DCLRE1C: variants seen among roughly 807,000 people sequenced by gnomAD.
The protein encoded by DCLRE1C is protein artemis.
In DCLRE1C, 47 loss-of-function variants were observed where a neutral mutation model predicts 61.4. The observed-to-expected ratio is 0.77, with a 90% CI of 0.61 to 0.98. The LOEUF is 0.98. DCLRE1C is among the 50% of genes least tolerant of loss of function. The pLI is 0.00. For missense variants in DCLRE1C, 858 were observed against 816.0 expected (o/e 1.05, Z -0.63); for synonymous variants, 337 against 287.6 (o/e 1.17, Z -1.74).
At chr10:14,942,463 C>CA (rs1278365392) in intron 3 of DCLRE1C, 2 of 152,232 alleles carry the variant, frequency 1.3e-5, no homozygotes, top group Non-Finnish European at 2.9e-5. Flanking sequence ...ATCCCCTTCT[C>CA]AATCAAAGGT....
In DCLRE1C at chr10:14,936,574, G is replaced by C. The variant is rs761366134; in HGVS notation, c.326C>G (p.Thr109Ser). 3.1e-6 allele frequency: 5 copies of C among 1,612,734 alleles called. No individual in the cohort carries two copies. The African/African-American group carries it at 4.0e-5, about 13-fold the overall frequency. Reference sequence around the variant, plus strand: ...CGGACAGTGACCAGCTGGTAAGAGAGTCACAACAATCTCTTCCTTCTAAAA... The same window carrying C: ...CGGACAGTGACCAGCTGGTAAGAGACTCACAACAATCTCTTCCTTCTAAAA... ...ASGEKEEIVVTLLPAGHCPGS... is the reference protein window; with the variant it reads ...ASGEKEEIVVSLLPAGHCPGS... Residue 109 changes from threonine to serine, a missense_variant, in exon 5 of 14, where the codon ACT becomes AGT. Physicochemically the swap from Thr to Ser is moderately conservative, Grantham distance 58 (BLOSUM62 1). Coordinates refer to ENST00000378278, the MANE Select transcript of DCLRE1C (RefSeq NM_001033855.3).
chr10:14,952,662 G>A (rs1192900649), intron 1 of DCLRE1C, among the ~76,000 whole-genome samples: 3 of 152,032 alleles, frequency 2.0e-5, no homozygotes, highest in African/African-American at 4.8e-5. Context: ...CAGAGAGCAT[G>A]TGCCACACTG....
In DCLRE1C at chr10:14,909,007, T is replaced by A; in HGVS notation, c.1480A>T (p.Lys494Ter). The A allele has an allele frequency of 6.2e-7, 1 of 1,614,080 alleles. No homozygotes were observed. Among genetic ancestry groups the A allele is most frequent in the Non-Finnish European group, 8.5e-7 (1 of 1,179,976 alleles). ...GDVPQWEVFF[K>*]RNDEITDESL... Reference sequence around the variant, plus strand: ...TCATCTGTGATTTCATCATTTCTTTTAAAGAATACTTCCCACTGGGGTACA... The same window carrying A: ...TCATCTGTGATTTCATCATTTCTTTAAAAGAATACTTCCCACTGGGGTACA... The change falls in exon 14 of 14, where the codon AAA becomes TAA. Residue 494 changes from lysine (K) to a stop codon, truncating the protein, a stop_gained. Transcript: ENST00000378278. LOFTEE classifies it low-confidence loss of function (END_TRUNC).
In DCLRE1C at chr10:14,945,317, CA is replaced by C. The variant is rs1429256158; in HGVS notation, c.162-129del. The C allele has an allele frequency of 2.2e-6, 3 of 1,394,834 alleles. No homozygotes were observed. The African/African-American group carries it at 4.4e-5, about 21-fold the overall frequency. 86.4% of individuals were successfully genotyped at this position (1,394,834 alleles called of 1,614,324 possible). A position where few individuals can be genotyped will look rare whatever the true frequency, so the allele number is the denominator to read the frequency against. On this transcript the variant is annotated intron_variant, in intron 2 of 13. Transcript: ENST00000378278. Reference sequence around the variant, plus strand: ...CAGTCTGACCAACATGGTGAAACCCCATCCCTAATAAAAACACAAATACTAG... The same window carrying C: ...CAGTCTGACCAACATGGTGAAACCCCTCCCTAATAAAAACACAAATACTAG...
At chr10:14,924,569 C>T (rs781047487) in intron 11 of DCLRE1C, among the ~76,000 whole-genome samples, 1 of 152,144 alleles carries the variant, frequency 6.6e-6, no homozygotes, top group Non-Finnish European at 1.5e-5. Context: ...ATCATCCAGG[C>T]CAGGCGTGGT....
At chr10:14,900,572 T>C (rs1833935713), downstream of DCLRE1C, among the ~76,000 whole-genome samples, 1 of 152,222 alleles carries the variant, frequency 6.6e-6, no homozygotes. Context: ...TCCAGGGCCA[T>C]CAAACAGTTT....
intron 3 of DCLRE1C, among the ~76,000 whole-genome samples, chr10:14,942,865 C>G (rs1274855305): frequency 6.6e-6 from 1 of 152,184 alleles, no homozygotes; most frequent in Non-Finnish European, 1.5e-5. Context: ...GTGGCTCACA[C>G]CTGTAATCCC....
chr10:14,928,370 A>G (rs879517428), intron 9 of DCLRE1C, among the ~76,000 whole-genome samples: 2 of 152,168 alleles, frequency 1.3e-5, no homozygotes, highest in South Asian at 2.1e-4. Context: ...AAAACCATCA[A>G]TGTGAAGACA....
At chr10:14,912,432 C>T (rs1478761649) in intron 13 of DCLRE1C, among the ~76,000 whole-genome samples, 1 of 152,108 alleles carries the variant, frequency 6.6e-6, no homozygotes, top group African/African-American at 2.4e-5. Flanking sequence ...AATTCTACCC[C>T]CCACAAGAAA....
intron 1 of DCLRE1C, 25 bp from the exon 2 acceptor site, chr10:14,949,112 A>G: frequency 6.5e-7 from 1 of 1,545,168 alleles, no homozygotes; most frequent in Non-Finnish European, 8.9e-7. Flanking sequence ...ACAAAAACTC[A>G]TGAATATGTT....
At chr10:14,915,368 G>A (rs943981746) in intron 13 of DCLRE1C, among the ~76,000 whole-genome samples, 1 of 151,904 alleles carries the variant, frequency 6.6e-6, no homozygotes, top group African/African-American at 2.4e-5. Context: ...TCTTATTTGA[G>A]AAGATCAGTA....
intron 1 of DCLRE1C, among the ~76,000 whole-genome samples, chr10:14,949,596 A>G (rs2131175878): frequency 6.6e-6 from 1 of 152,374 alleles, no homozygotes; most frequent in South Asian, 2.1e-4. Context: ...CTATCCACAA[A>G]GACTTGCTCC....
intron 12 of DCLRE1C, among the ~76,000 whole-genome samples, chr10:14,921,576 A>T (rs1837126415): frequency 6.6e-6 from 1 of 152,158 alleles, no homozygotes; most frequent in Non-Finnish European, 1.5e-5. Context: ...TGTAACTCAC[A>T]AGTCTACTGA....
chr10:14,927,412 G>T (rs1838198591), intron 10 of DCLRE1C, among the ~76,000 whole-genome samples: 1 of 151,180 alleles, frequency 6.6e-6, no homozygotes, highest in Middle Eastern at 3.4e-3. Context: ...AGGGAGGGAG[G>T]GAGGGAGGGA....
exon 14 of DCLRE1C, chr10:14,898,198 GTTTC>G (rs1833728762): frequency 1.6e-5 from 1 of 64,396 alleles, no homozygotes; most frequent in Non-Finnish European, 2.9e-5. Flanking sequence ...AGGTAGTACT[GTTTC>G]TTTTTTTTTT....
rs935913182 is a variant in DCLRE1C, at chr10:14,906,600, G to A, written c.*1808C>T. 7.2e-5 allele frequency among the ~76,000 whole-genome samples: 11 copies of A among 152,152 alleles called. No homozygotes were observed. Among genetic ancestry groups the A allele is most frequent in the African/African-American group, 2.4e-4 (10 of 41,420 alleles). ...TATGTGTATACTAACTCTGAGTCTT[G>A]TTACCCTGGTTAGTCTGGTGGATCC... On this transcript the variant is annotated 3_prime_UTR_variant, in exon 14 of 14. Coordinates refer to ENST00000378278, the MANE Select transcript of DCLRE1C (RefSeq NM_001033855.3).
At chr10:14,902,816 TTTGAAAGCG>T (rs1452513245), downstream of DCLRE1C, 2 of 172,940 alleles carry the variant, frequency 1.2e-5, no homozygotes, top group Non-Finnish European at 2.5e-5. Context: ...TCCCGTAGTG[TTTGAAAGCG>T]TTAAGCTGAT....
rs1451294113 is a variant in DCLRE1C, at chr10:14,906,229, C to A, written c.*2179G>T. 6.6e-6 allele frequency among the ~76,000 whole-genome samples: 1 copy of A among 152,172 alleles called. No homozygotes were observed. The highest frequency in any genetic ancestry group is 1.9e-4 in the East Asian group (1 of 5,198). ...TTGTACATGGGGATTAGAAATGTAT[C>A]TACCTCAAAGGGTGGTTGTGAAAAT... is the stretch of plus-strand genomic sequence containing the variant. On this transcript the variant is annotated 3_prime_UTR_variant, in exon 14 of 14. Coordinates refer to ENST00000378278, the MANE Select transcript of DCLRE1C (RefSeq NM_001033855.3).
At chr10:14,899,295 G>C (rs1438662775) in exon 14 of DCLRE1C, 1 of 701,140 alleles carries the variant, frequency 1.4e-6, no homozygotes, top group African/African-American at 1.8e-5. Flanking sequence ...ATTCTAGCCT[G>C]AGTGACAGAG....
Sources: gnomAD v4.1 joint callset for allele counts (sites outside exome capture counted in the v4.1 genomes callset) on GRCh38, gnomAD v4.1.1 for gene constraint, MANE v1.5 for transcripts, NCBI Gene and HGNC (gene_info 2026-07-23, HGNC 2026-07-21) for gene names.